PPM1E: variants seen among roughly 807,000 people sequenced by gnomAD.
PPM1E encodes the protein protein phosphatase 1E.
PPM1E carries 20 observed loss-of-function variants against 65.9 expected under a neutral mutation model. The observed-to-expected ratio is 0.30, with a 90% CI of 0.21 to 0.44. The LOEUF is 0.44. PPM1E is among the 20% of genes least tolerant of loss of function. The pLI is 1.00. For missense variants in PPM1E, 713 were observed against 953.1 expected, an observed-to-expected ratio of 0.75 and a Z score of 3.32; for synonymous variants, 352 against 374.9, an observed-to-expected ratio of 0.94 and a Z score of 0.70.
intron 3 of PPM1E, among the ~76,000 whole-genome samples, chr17:58,968,603 A>G (rs2030403988): frequency 1.3e-5 from 2 of 152,206 alleles, no homozygotes; most frequent in Admixed American, 1.3e-4. Context: ...GAACAGAAAA[A>G]GAAGTCAAAA....
At chr17:58,939,552 C>A (rs887239720) in intron 1 of PPM1E, among the ~76,000 whole-genome samples, 5 of 152,068 alleles carry the variant, frequency 3.3e-5, no homozygotes, top group African/African-American at 7.2e-5. Context: ...CACAGAAATT[C>A]ATATATGTAT....
At chr17:58,826,599 T>C (rs936406079) in intron 1 of PPM1E, among the ~76,000 whole-genome samples, 2 of 152,168 alleles carry the variant, frequency 1.3e-5, no homozygotes, top group Non-Finnish European at 2.9e-5. Flanking sequence ...TGTAACTTAC[T>C]ATTTTTAATG....
intron 1 of PPM1E, among the ~76,000 whole-genome samples, chr17:58,886,909 G>A (rs920586713): frequency 1.3e-5 from 2 of 152,118 alleles, no homozygotes; most frequent in African/African-American, 2.4e-5. Context: ...GGGGCAAAGA[G>A]CATATGGGAA....
intron 1 of PPM1E, among the ~76,000 whole-genome samples, chr17:58,871,643 C>T (rs1317902666): frequency 2.0e-5 from 3 of 151,644 alleles, no homozygotes; most frequent in African/African-American, 4.8e-5. Context: ...GGCAAAACTC[C>T]GTCTCTACAA....
chr17:58,983,064 G>T lies in PPM1E; in HGVS notation c.*2033G>T. 1.4e-6 allele frequency: 1 copy of T among 726,318 alleles called. No individual in the cohort carries two copies. The highest frequency in any genetic ancestry group is 2.2e-6 in the Non-Finnish European group (1 of 462,224). The allele number at this position is 726,318 out of a possible 1,614,324, so 45.0% of individuals were successfully genotyped here. A position where few individuals can be genotyped will look rare whatever the true frequency, so the allele number is the denominator to read the frequency against. Reference sequence around the variant, plus strand: ...TTTGATCAGAATAAAGAGGGTAAAGGGAAAAAGTTACTACACATGCTAGGC... The same window carrying T: ...TTTGATCAGAATAAAGAGGGTAAAGTGAAAAAGTTACTACACATGCTAGGC... On this transcript the variant is annotated 3_prime_UTR_variant, in exon 7 of 7. Transcript: ENST00000308249.
intron 2 of PPM1E, among the ~76,000 whole-genome samples, chr17:58,962,571 C>G (rs2030066904): frequency 6.6e-6 from 1 of 152,104 alleles, no homozygotes; most frequent in Admixed American, 6.6e-5. Flanking sequence ...CTGCAGAGAC[C>G]AGATAGGTTG....
At chr17:58,799,772 G>A (rs2050241971) in intron 1 of PPM1E, among the ~76,000 whole-genome samples, 1 of 152,084 alleles carries the variant, frequency 6.6e-6, no homozygotes, top group Non-Finnish European at 1.5e-5. Context: ...TAGAGATGGG[G>A]TTTCACCATG....
Position 58,882,846 on chromosome 17 carries a change from A to AT in PPM1E, c.465-72799dup, listed in dbSNP as rs1222366105. ...TTATGTCTGTCATCAAAATTCTCAGATTTTCTCCTCTCCTATTTTTTCTGT... is the reference window on the plus strand; with the variant it reads ...TTATGTCTGTCATCAAAATTCTCAGATTTTTCTCCTCTCCTATTTTTTCTGT... On this transcript the variant is annotated intron_variant, in intron 1 of 6. Coordinates refer to ENST00000308249, the MANE Select transcript of PPM1E (RefSeq NM_014906.5). Among the ~76,000 whole-genome samples, 10 of 146,790 alleles carry AT rather than the reference A, an allele frequency of 6.8e-5. No homozygotes were observed. The East Asian group carries it at 2.0e-3, about 29-fold the overall frequency.
chr17:58,867,268 G>A (rs1045695741), intron 1 of PPM1E, among the ~76,000 whole-genome samples: 9 of 152,184 alleles, frequency 5.9e-5, no homozygotes, highest in African/African-American at 1.7e-4. Flanking sequence ...ATGAGCCATC[G>A]CGCCCTGCCT....
intron 1 of PPM1E, among the ~76,000 whole-genome samples, chr17:58,898,724 G>T (rs1249276357): frequency 6.6e-6 from 1 of 152,088 alleles, no homozygotes; most frequent in South Asian, 2.1e-4. Context: ...GTTTATTGCG[G>T]CACTATTCAC....
Position 58,755,992 on chromosome 17 carries a change from G to A in PPM1E, c.-6G>A. The A allele has an allele frequency of 6.2e-7, 1 of 1,613,998 alleles. No individual in the cohort carries two copies. Among genetic ancestry groups the A allele is most frequent in the Non-Finnish European group, 8.5e-7 (1 of 1,179,912 alleles). On this transcript the variant is annotated 5_prime_UTR_variant, in exon 1 of 7. Coordinates refer to ENST00000308249, the MANE Select transcript of PPM1E (RefSeq NM_014906.5). ...TTTCCCGGTCTGCCCTGGGGCATGA[G>A]CAGCGATGGCCGGCTGCATCCCTGA...
intron 1 of PPM1E, among the ~76,000 whole-genome samples, chr17:58,829,146 G>A (rs921163177): frequency 6.6e-6 from 1 of 151,764 alleles, no homozygotes; most frequent in African/African-American, 2.4e-5. Flanking sequence ...GGGTTCAAGC[G>A]ATTCTCCTGC....
chr17:58,857,249 T>C (rs2050892695), intron 1 of PPM1E, among the ~76,000 whole-genome samples: 2 of 152,176 alleles, frequency 1.3e-5, no homozygotes, highest in Non-Finnish European at 2.9e-5. Flanking sequence ...GTTGTCCACA[T>C]TGAATGGAAG....
chr17:58,945,460 T>C (rs377397318), intron 1 of PPM1E, among the ~76,000 whole-genome samples: 1 of 152,208 alleles, frequency 6.6e-6, no homozygotes, highest in African/African-American at 2.4e-5. Context: ...CTTCTGACAC[T>C]AAAAGTGTGT....
chr17:58,898,249 G>A (rs191161466), intron 1 of PPM1E, among the ~76,000 whole-genome samples: 17 of 141,930 alleles, frequency 1.2e-4, no homozygotes, highest in African/African-American at 2.6e-4. Context: ...GGGAGACTGC[G>A]TCTCAAAAAA....
chr17:58,944,012 T>C (rs1372970731), intron 1 of PPM1E, among the ~76,000 whole-genome samples: 1 of 152,178 alleles, frequency 6.6e-6, no homozygotes, highest in Non-Finnish European at 1.5e-5. Context: ...GATTTTCTTC[T>C]TTTTCCAACT....
chr17:58,759,710 C>G (rs1598552876), intron 1 of PPM1E, among the ~76,000 whole-genome samples: 1 of 152,126 alleles, frequency 6.6e-6, no homozygotes, highest in East Asian at 1.9e-4. Context: ...AACCAATATC[C>G]CAAGAGTCTG....
At chr17:58,864,775 A>C (rs577320269) in intron 1 of PPM1E, among the ~76,000 whole-genome samples, 1 of 152,024 alleles carries the variant, frequency 6.6e-6, no homozygotes, top group South Asian at 2.1e-4. Flanking sequence ...ATCTGTACTG[A>C]AAATACAAAA....
intron 1 of PPM1E, among the ~76,000 whole-genome samples, chr17:58,851,212 G>C (rs921687689): frequency 6.6e-6 from 1 of 152,102 alleles, no homozygotes; most frequent in Non-Finnish European, 1.5e-5. Flanking sequence ...TCCTGGAGAT[G>C]GGTTCGAACA....
Sources: gnomAD v4.1 joint callset for allele counts (sites outside exome capture counted in the v4.1 genomes callset) on GRCh38, gnomAD v4.1.1 for gene constraint, MANE v1.5 for transcripts, NCBI Gene and HGNC (gene_info 2026-07-23, HGNC 2026-07-21) for gene names.